Variants in SGCZ observed in about 807,000 individuals in gnomAD.
SGCZ encodes sarcoglycan zeta.
A neutral mutation model predicts 41.3 loss-of-function variants in SGCZ; 40 were observed. The ratio of observed to expected loss-of-function variants is 0.97; its 90% CI spans 0.75 to 1.26. The LOEUF (loss-of-function observed/expected upper bound fraction) is 1.26. SGCZ is among the 50% of genes most tolerant of loss of function. SGCZ has a pLI of 0.00. For missense variants in SGCZ, 552 were observed against 369.8 expected (o/e 1.49, Z -4.04); for synonymous variants, 206 against 137.5 (o/e 1.50, Z -3.49).
chr8:14,873,648 G>C (rs1804246023), intron 1 of SGCZ, among the ~76,000 whole-genome samples: 1 of 152,072 alleles, frequency 6.6e-6, no homozygotes, highest in Admixed American at 6.6e-5. Flanking sequence ...ACCAAGGCTT[G>C]AGTTCAGTCT....
chr8:14,168,956 G>T (rs775708359), intron 4 of SGCZ, among the ~76,000 whole-genome samples: 20 of 152,074 alleles, frequency 1.3e-4, no homozygotes, highest in Non-Finnish European at 2.1e-4. Flanking sequence ...ATCATGGGAG[G>T]TGATCCCTAT....
intron 2 of SGCZ, among the ~76,000 whole-genome samples, chr8:14,471,199 C>A (rs910930972): frequency 2.8e-4 from 43 of 152,206 alleles, no homozygotes; most frequent in African/African-American, 9.4e-4. Flanking sequence ...TTTGTCAAAA[C>A]TACTAAATGG....
intron 1 of SGCZ, among the ~76,000 whole-genome samples, chr8:15,134,304 CT>C (rs59649473): frequency 0.076 from 11,083 of 145,634 alleles, 397 homozygotes; most frequent in Middle Eastern, 0.12. Context: ...AGCATTAGGT[CT>C]TTTTTTTTTT....
At position 14,472,162 on chromosome 8, in the gene SGCZ, G is replaced by T. The variant is rs561685940; in HGVS notation, c.234+82570C>A. Among the ~76,000 whole-genome samples the T allele has an allele frequency of 3.7e-4, 57 of 152,174 alleles. 1 individual carries two copies. Among genetic ancestry groups the T allele is most frequent in the African/African-American group, 1.3e-3 (54 of 41,562 alleles). ...TTTAAGAGTTCCAATTGTAATTTTA[G>T]AAGTGACCTTTAGTTGGTTTGTGCA... On this transcript the variant is annotated intron_variant, in intron 2 of 7. Transcript: ENST00000382080.
intron 4 of SGCZ, among the ~76,000 whole-genome samples, chr8:14,199,386 C>T (rs1307053445): frequency 6.6e-6 from 1 of 152,156 alleles, no homozygotes; most frequent in Non-Finnish European, 1.5e-5. Flanking sequence ...AAGATGTTAT[C>T]AATGACAATG....
At chr8:14,947,261 A>C (rs1162432134) in intron 1 of SGCZ, among the ~76,000 whole-genome samples, 1 of 152,180 alleles carries the variant, frequency 6.6e-6, no homozygotes, top group East Asian at 1.9e-4. Flanking sequence ...TTCTTAATGG[A>C]CCATTAGCAA....
intron 7 of SGCZ, among the ~76,000 whole-genome samples, chr8:14,094,724 A>G (rs959661901): frequency 2.0e-5 from 3 of 152,066 alleles, no homozygotes; most frequent in Non-Finnish European, 4.4e-5. Context: ...GTCTTCCACA[A>G]TGGTTGAACT....
At chr8:14,370,412 G>A (rs1803869069) in intron 2 of SGCZ, among the ~76,000 whole-genome samples, 3 of 151,714 alleles carry the variant, frequency 2.0e-5, no homozygotes, top group Admixed American at 2.0e-4. Context: ...ACTATGCCAA[G>A]CACAACACGG....
intron 2 of SGCZ, among the ~76,000 whole-genome samples, chr8:14,494,207 G>A (rs1057059492): frequency 5.9e-5 from 9 of 152,134 alleles, no homozygotes; most frequent in African/African-American, 2.2e-4. Context: ...GCATTAACAA[G>A]ATGGTGATTC....
intron 1 of SGCZ, among the ~76,000 whole-genome samples, chr8:14,951,945 T>C (rs372094152): frequency 2.0e-5 from 3 of 152,122 alleles, no homozygotes; most frequent in East Asian, 3.8e-4. Context: ...AAGCATCTGA[T>C]TGATGTGCCT....
At chr8:14,907,725 T>C (rs1054718572) in intron 1 of SGCZ, among the ~76,000 whole-genome samples, 2 of 151,950 alleles carry the variant, frequency 1.3e-5, no homozygotes, top group African/African-American at 4.8e-5. Flanking sequence ...AGGGTTGTCT[T>C]CCCTCTCTCT....
At chr8:15,216,949 G>C (rs1393588720) in intron 1 of SGCZ, among the ~76,000 whole-genome samples, 2 of 152,094 alleles carry the variant, frequency 1.3e-5, no homozygotes, top group Admixed American at 6.6e-5. Flanking sequence ...GAAGATTAAA[G>C]GGTAAAGAAT....
At chr8:14,543,091 T>C (rs1427493929) in intron 2 of SGCZ, among the ~76,000 whole-genome samples, 3 of 151,968 alleles carry the variant, frequency 2.0e-5, no homozygotes, top group Non-Finnish European at 4.4e-5. Flanking sequence ...ATATTTTATT[T>C]AGGAACATTG....
chr8:14,106,689 A>G (rs1250724259), intron 6 of SGCZ, among the ~76,000 whole-genome samples: 2 of 152,220 alleles, frequency 1.3e-5, no homozygotes, highest in Non-Finnish European at 2.9e-5. Flanking sequence ...CTTATGAAAT[A>G]AAAAGGTTTT....
intron 2 of SGCZ, among the ~76,000 whole-genome samples, chr8:14,537,568 T>A (rs1803333689): frequency 6.6e-6 from 1 of 151,818 alleles, no homozygotes; most frequent in Non-Finnish European, 1.5e-5. Context: ...TTCTTTTTTT[T>A]TCACTTCTTG....
chr8:15,086,518 C>A (rs967802126), intron 1 of SGCZ, among the ~76,000 whole-genome samples: 2 of 152,126 alleles, frequency 1.3e-5, no homozygotes, highest in Non-Finnish European at 2.9e-5. Flanking sequence ...CTTGTTCCAT[C>A]TTCTCTTCCA....
At chr8:14,783,239 GC>G (rs1563266136) in intron 1 of SGCZ, among the ~76,000 whole-genome samples, 1 of 152,160 alleles carries the variant, frequency 6.6e-6, no homozygotes, top group African/African-American at 2.4e-5. Flanking sequence ...TTCAAGACAA[GC>G]CTGGTCAACA....
intron 3 of SGCZ, among the ~76,000 whole-genome samples, chr8:14,253,538 T>C (rs2117213072): frequency 6.6e-6 from 1 of 152,208 alleles, no homozygotes; most frequent in South Asian, 2.1e-4. Context: ...AAATCACTTT[T>C]TCTTCAAATC....
At chr8:15,019,864 A>G (rs1803187100) in intron 1 of SGCZ, among the ~76,000 whole-genome samples, 1 of 149,044 alleles carries the variant, frequency 6.7e-6, no homozygotes, top group African/African-American at 2.5e-5. Context: ...GACATACTAG[A>G]TTCGAAAGAC....
Sources: gnomAD v4.1 joint callset for allele counts (sites outside exome capture counted in the v4.1 genomes callset) on GRCh38, gnomAD v4.1.1 for gene constraint, MANE v1.5 for transcripts, NCBI Gene and HGNC (gene_info 2026-07-23, HGNC 2026-07-21) for gene names.